CD82: variants seen among roughly 807,000 people sequenced by gnomAD.
CD82 encodes the protein CD82 antigen.
A neutral mutation model predicts 37.4 loss-of-function variants in CD82; 36 were observed. The observed-to-expected ratio is 0.96, with a 90% CI of 0.74 to 1.27. The LOEUF (loss-of-function observed/expected upper bound fraction) is 1.27. Among genes scored for constraint, CD82 ranks in the 50% most tolerant of loss-of-function variants. The pLI is 0.00. For missense variants in CD82, 340 were observed against 347.0 expected (o/e 0.98, Z 0.16); for synonymous variants, 158 against 137.4 (o/e 1.15, Z -1.05).
chr11:44,605,857 C>T (rs546300958), intron 6 of CD82, among the ~76,000 whole-genome samples: 1 of 152,348 alleles, frequency 6.6e-6, no homozygotes, highest in East Asian at 1.9e-4. Context: ...GATACTTTAG[C>T]AACTATTAAA....
intron 1 of CD82, among the ~76,000 whole-genome samples, chr11:44,574,630 T>C (rs1852863392): frequency 6.6e-6 from 1 of 152,116 alleles, no homozygotes; most frequent in Non-Finnish European, 1.5e-5. Flanking sequence ...TGTGGAAAAA[T>C]TCAGGCGGTA....
rs57732204 is a variant in CD82 at position 44,595,428 on chromosome 11, G to A, written c.63+703G>A. On this transcript the variant is annotated intron_variant, in intron 3 of 9. Coordinates refer to ENST00000227155, the MANE Select transcript of CD82 (RefSeq NM_002231.4). ...GTGTGTTGTTGGGGGGCAGTGCCCT[G>A]GAGAGGACTTCATAGCCTCAGAGTA... Among the ~76,000 whole-genome samples the A allele has an allele frequency of 1.8e-3, 277 of 152,210 alleles. 2 individuals are homozygous for A. Among genetic ancestry groups the A allele is most frequent in the African/African-American group, 6.5e-3 (269 of 41,522 alleles).
intron 6 of CD82, among the ~76,000 whole-genome samples, chr11:44,609,436 G>A (rs969659779): frequency 6.6e-5 from 10 of 152,042 alleles, no homozygotes; most frequent in African/African-American, 1.4e-4. Flanking sequence ...GTGCTGTCAC[G>A]CTCAAGCAGA....
intron 1 of CD82, 154 bp from the exon 2 acceptor site, chr11:44,587,321 G>A (rs141831812): frequency 6.0e-5 from 25 of 414,992 alleles, no homozygotes; most frequent in African/African-American, 4.2e-4. Context: ...GAGGCTACAT[G>A]AGCCTGTGGG....
At chr11:44,588,441 C>G (rs1390539612) in intron 2 of CD82, among the ~76,000 whole-genome samples, 3 of 152,128 alleles carry the variant, frequency 2.0e-5, no homozygotes, top group African/African-American at 7.2e-5. Flanking sequence ...CCAGGCTGGT[C>G]TCGAACTCCT....
Position 44,591,923 on chromosome 11 carries a change from G to A in CD82, c.-20-2720G>A, listed in dbSNP as rs566618624. Among the ~76,000 whole-genome samples the A allele has an allele frequency of 9.4e-4, 143 of 152,170 alleles. 1 individual carries two copies. Among genetic ancestry groups the A allele is most frequent in the African/African-American group, 3.3e-3 (135 of 41,512 alleles). On this transcript the variant is annotated intron_variant, in intron 2 of 9. Transcript: ENST00000227155. ...CAACCTCCACCTCCTGGGTTCAAGCGATTCTTGTGCCTCAGCCTCCTGAGT... is the reference window on the plus strand; with the variant it reads ...CAACCTCCACCTCCTGGGTTCAAGCAATTCTTGTGCCTCAGCCTCCTGAGT...
chr11:44,595,921 A>AT (rs1853218107), intron 3 of CD82, among the ~76,000 whole-genome samples: 1 of 151,772 alleles, frequency 6.6e-6, no homozygotes. Flanking sequence ...AAAAAAAAAA[A>AT]AAAAAAAAAA....
At chr11:44,574,133 C>T (rs1039541642) in intron 1 of CD82, among the ~76,000 whole-genome samples, 32 of 152,122 alleles carry the variant, frequency 2.1e-4, no homozygotes, top group African/African-American at 7.5e-4. Context: ...AGTCTTGGTC[C>T]CCAGACTATC....
At chr11:44,606,467 C>CA (rs386373732) in intron 6 of CD82, 56,103 of 104,810 alleles carry the variant, frequency 0.54, 15,558 homozygotes, top group South Asian at 0.68. Context: ...GACCCTGTCT[C>CA]AAAAAAAAAA....
At chr11:44,568,313 G>A (rs1357056823) in intron 1 of CD82, among the ~76,000 whole-genome samples, 1 of 152,130 alleles carries the variant, frequency 6.6e-6, no homozygotes, top group Non-Finnish European at 1.5e-5. Context: ...CATTGGAGGG[G>A]TGGGAGGGGA....
intron 3 of CD82, among the ~76,000 whole-genome samples, chr11:44,596,437 A>G (rs1042884508): frequency 1.3e-4 from 20 of 152,244 alleles, no homozygotes; most frequent in African/African-American, 4.6e-4. Context: ...TTTCAGTGAT[A>G]AAGAAACTTT....
intron 2 of CD82, among the ~76,000 whole-genome samples, chr11:44,591,372 G>A (rs531158088): frequency 1.1e-4 from 17 of 152,308 alleles, no homozygotes; most frequent in East Asian, 5.8e-4. Flanking sequence ...ATCTGTGTGC[G>A]TGACCAAGGG....
chr11:44,618,741 C>G lies in CD82; in HGVS notation c.726+18C>G, dbSNP rs76669660. ...TCATCGAGGTCTGAGCCCCCTCCCC[C>G]ATCCCTTCTCCATCCCAGGTCCTCC... is the stretch of plus-strand genomic sequence containing the variant. On this transcript the variant is annotated intron_variant, in intron 9 of 9. Transcript: ENST00000227155. 5.9e-3 allele frequency: 9,516 copies of G among 1,599,584 alleles called. 48 individuals are homozygous for G. Among genetic ancestry groups the G allele is most frequent in the Middle Eastern group, 0.012 (73 of 6,020 alleles).
chr11:44,617,528 C>T (rs1037462987), intron 7 of CD82, among the ~76,000 whole-genome samples: 1 of 148,946 alleles, frequency 6.7e-6, no homozygotes, highest in Non-Finnish European at 1.5e-5. Flanking sequence ...TGCTGCACTC[C>T]AGCCTGGGTG....
intron 2 of CD82, among the ~76,000 whole-genome samples, chr11:44,589,449 A>C (rs540869053): frequency 3.9e-5 from 6 of 152,372 alleles, no homozygotes; most frequent in Middle Eastern, 3.4e-3. Flanking sequence ...AAGAAAGCAT[A>C]ACATTGGAGG....
rs907270553 is a variant in CD82, at chr11:44,584,956, G to A, written c.-102-2519G>A. On this transcript the variant is annotated intron_variant, in intron 1 of 9. Transcript: ENST00000227155. Reference sequence around the variant, plus strand: ...GCTGGCATCCAGGGCACAATAGCCCGGCCAGGCTTTCTCACTCCACTTTCT... The same window carrying A: ...GCTGGCATCCAGGGCACAATAGCCCAGCCAGGCTTTCTCACTCCACTTTCT... Among the ~76,000 whole-genome samples the A allele has an allele frequency of 7.9e-5, 12 of 152,306 alleles. No homozygotes were observed. The South Asian group carries it at 1.0e-3, about 13-fold the overall frequency.
In CD82 at chr11:44,619,139, C is replaced by A; in HGVS notation, c.*13C>A. On this transcript the variant is annotated 3_prime_UTR_variant, in exon 10 of 10. Coordinates refer to ENST00000227155, the MANE Select transcript of CD82 (RefSeq NM_002231.4). ...CCCCAAGTACTGAGGCAGCTGCTAT[C>A]CCCATCTCCCTGCCTGGCCCCCAAC... The A allele has an allele frequency of 6.2e-7, 1 of 1,607,034 alleles. No individual in the cohort carries two copies. Among genetic ancestry groups the A allele is most frequent in the Non-Finnish European group, 8.5e-7 (1 of 1,173,730 alleles).
At chr11:44,594,877 T>C (rs1046350448) in intron 3 of CD82, 152 bp downstream of exon 3, 4 of 659,850 alleles carry the variant, frequency 6.1e-6, no homozygotes, top group African/African-American at 3.5e-5. Flanking sequence ...CGGAACCTAG[T>C]TGGGGTGGTG....
intron 1 of CD82, among the ~76,000 whole-genome samples, chr11:44,571,468 T>A (rs1463854862): frequency 6.6e-6 from 1 of 152,190 alleles, no homozygotes; most frequent in East Asian, 1.9e-4. Flanking sequence ...TCTCATAGGG[T>A]TGTTTGAGAA....
Sources: allele counts gnomAD v4.1 joint callset (sites outside exome capture counted in the v4.1 genomes callset), GRCh38; gene constraint gnomAD v4.1.1; transcripts MANE v1.5; gene names NCBI Gene and HGNC (gene_info 2026-07-23, HGNC 2026-07-21).